The following MYO18B variants were observed in gnomAD, a reference collection of about 807,000 sequenced individuals.
MYO18B encodes unconventional myosin-XVIIIb.
Under a neutral mutation model 273.0 loss-of-function variants are expected in MYO18B, and 204 were observed. The ratio of observed to expected loss-of-function variants is 0.75; its 90% confidence interval spans 0.67 to 0.84. The LOEUF (loss-of-function observed/expected upper bound fraction) is 0.84. MYO18B is among the 40% of genes least tolerant of loss of function. The probability of loss-of-function intolerance (pLI) is 0.00; values close to 1 mark genes in which losing one functional copy is unlikely to be tolerated. For missense variants in MYO18B, 3,212 were observed against 3,287.6 expected (o/e 0.98, Z 0.56); for synonymous variants, 1,330 against 1,305.7 (o/e 1.02, Z -0.40).
At chr22:25,816,633 A>G (rs976505582) in intron 12 of MYO18B, among the ~76,000 whole-genome samples, 5 of 152,132 alleles carry the variant, frequency 3.3e-5, no homozygotes, top group African/African-American at 1.2e-4. Flanking sequence ...TTAGAATGAT[A>G]TAACCTCATT....
At chr22:25,836,226 C>T (rs925186509) in intron 17 of MYO18B, among the ~76,000 whole-genome samples, 2 of 152,120 alleles carry the variant, frequency 1.3e-5, no homozygotes, top group African/African-American at 4.8e-5. Flanking sequence ...TCTGCTTTCC[C>T]CTGCATGATG....
At chr22:25,885,524 G>T (rs2091471003) in intron 25 of MYO18B, among the ~76,000 whole-genome samples, 1 of 152,116 alleles carries the variant, frequency 6.6e-6, no homozygotes, top group Non-Finnish European at 1.5e-5. Flanking sequence ...GGTCTGGCAG[G>T]TGCAATTCTG....
chr22:25,766,277 A>G (rs1300638925), intron 3 of MYO18B, among the ~76,000 whole-genome samples: 1 of 151,896 alleles, frequency 6.6e-6, no homozygotes, highest in Non-Finnish European at 1.5e-5. Flanking sequence ...TTCAGAATCT[A>G]CTCCAGTTGT....
chr22:25,949,881 C>A (rs892191845), intron 36 of MYO18B, among the ~76,000 whole-genome samples: 1 of 152,154 alleles, frequency 6.6e-6, no homozygotes, highest in East Asian at 1.9e-4. Flanking sequence ...TTAAAAAAAA[C>A]CTTTACTCTC....
chr22:26,022,519 C>T (rs1047676449), intron 42 of MYO18B, among the ~76,000 whole-genome samples: 1 of 152,216 alleles, frequency 6.6e-6, no homozygotes, highest in African/African-American at 2.4e-5. Context: ...AGAAAAAGCA[C>T]TTGCAGAGAT....
intron 12 of MYO18B, among the ~76,000 whole-genome samples, 179 bp from the exon 13 acceptor site, chr22:25,823,326 T>C (rs2089354136): frequency 6.6e-6 from 1 of 152,130 alleles, no homozygotes. Context: ...TCTTGGGAAA[T>C]CCGACTCCTC....
At chr22:25,965,143 C>CT (rs1255463144) in intron 39 of MYO18B, 3 of 152,260 alleles carry the variant, frequency 2.0e-5, no homozygotes, top group Admixed American at 6.5e-5. Context: ...TAGGCAACCA[C>CT]TTATGGCTCT....
At position 25,803,745 on chromosome 22, in the gene MYO18B, C is replaced by T. The variant is rs149430877; in HGVS notation, c.2521+5648C>T. Among the ~76,000 whole-genome samples, 97 of 152,118 alleles carry T rather than the reference C, an allele frequency of 6.4e-4. 1 individual carries two copies. Among genetic ancestry groups the T allele is most frequent in the African/African-American group, 2.2e-3 (91 of 41,486 alleles). Reference sequence around the variant, plus strand: ...CTCTATAGGGTGAGGAGTGATGAAACGCAACGATGTTCATAGGAAGCCATT... The same window carrying T: ...CTCTATAGGGTGAGGAGTGATGAAATGCAACGATGTTCATAGGAAGCCATT... On this transcript the variant is annotated intron_variant, in intron 12 of 43. Transcript: ENST00000335473.
chr22:25,803,118 C>T (rs1313136806), intron 12 of MYO18B, among the ~76,000 whole-genome samples: 1 of 151,796 alleles, frequency 6.6e-6, no homozygotes, highest in Non-Finnish European at 1.5e-5. Flanking sequence ...TGTGCCACCA[C>T]ACCCGGCTAT....
At chr22:25,859,164 T>C (rs2090658086) in intron 21 of MYO18B, among the ~76,000 whole-genome samples, 1 of 152,216 alleles carries the variant, frequency 6.6e-6, no homozygotes, top group Admixed American at 6.5e-5. Flanking sequence ...ATGCCCCTTC[T>C]ATACAATGAA....
At chr22:25,972,006 G>A (rs894666818) in intron 39 of MYO18B, among the ~76,000 whole-genome samples, 2 of 151,432 alleles carry the variant, frequency 1.3e-5, no homozygotes, top group African/African-American at 2.4e-5. Context: ...GGCTGGTCTC[G>A]AACTCATGAC....
intron 22 of MYO18B, among the ~76,000 whole-genome samples, chr22:25,869,547 C>A (rs895175970): frequency 6.6e-6 from 1 of 151,658 alleles, no homozygotes; most frequent in Non-Finnish European, 1.5e-5. Flanking sequence ...AAAGACTACT[C>A]CACACATTTC....
chr22:25,964,337 A>G (rs1005788614), intron 39 of MYO18B: 3 of 152,204 alleles, frequency 2.0e-5, no homozygotes, highest in Non-Finnish European at 2.9e-5. Context: ...TAAAGAAACT[A>G]AAATCCAGAC....
chr22:25,903,573 G>A, intron 30 of MYO18B, 58 bp from the exon 31 acceptor site: 1 of 1,520,894 alleles, frequency 6.6e-7, no homozygotes, highest in Middle Eastern at 2.0e-4. Flanking sequence ...GGTATCCCTG[G>A]GGGAGGAGGG....
downstream of MYO18B, among the ~76,000 whole-genome samples, chr22:26,034,805 G>A (rs1192214541): frequency 2.6e-5 from 4 of 152,208 alleles, no homozygotes; most frequent in African/African-American, 7.2e-5. Context: ...TGGGGAAAAT[G>A]AGTCTCAGAG....
Position 25,790,672 on chromosome 22 carries a change from A to G in MYO18B, c.2376+5181A>G, listed in dbSNP as rs375763861. ...ATGCCCAACTCACCACCACTTAACT[A>G]AAATCACATCTTTTCAATTTTCGAA... On this transcript the variant is annotated intron_variant, in intron 11 of 43. Transcript: ENST00000335473. 1.4e-3 allele frequency among the ~76,000 whole-genome samples: 213 copies of G among 152,364 alleles called. 9 individuals are homozygous for G. The South Asian group carries it at 0.043, about 31-fold the overall frequency.
At chr22:25,863,474 G>A (rs546631617) in intron 21 of MYO18B, among the ~76,000 whole-genome samples, 61 of 152,150 alleles carry the variant, frequency 4.0e-4, no homozygotes, top group African/African-American at 1.2e-3. Flanking sequence ...TAATCATTTA[G>A]TATTATAACT....
intron 10 of MYO18B, 41 bp downstream of exon 10, chr22:25,781,875 G>A (rs957796357): frequency 6.0e-6 from 8 of 1,344,266 alleles, no homozygotes; most frequent in African/African-American, 5.9e-5. Context: ...AGGGCAGTGC[G>A]ACAAAGGGCA....
chr22:25,947,487 TACACACACACACACACACACACAC>T (rs57844236), intron 35 of MYO18B, among the ~76,000 whole-genome samples: 2,722 of 110,678 alleles, frequency 0.025, 117 homozygotes, highest in African/African-American at 0.086. Flanking sequence ...TAATGCCTAA[TACACACACACACACACACACACAC>T]ACACACACAC....
Sources: allele counts gnomAD v4.1 joint callset (sites outside exome capture counted in the v4.1 genomes callset), GRCh38; gene constraint gnomAD v4.1.1; transcripts MANE v1.5; gene names NCBI Gene and HGNC (gene_info 2026-07-23, HGNC 2026-07-21).